BICC1: variants seen among roughly 807,000 people sequenced by gnomAD.
BICC1 encodes protein bicaudal C homolog 1.
Under a neutral mutation model 111.0 loss-of-function variants are expected in BICC1, and 43 were observed. That is an observed-to-expected ratio of 0.39 (90% CI 0.30 to 0.50). BICC1 has a LOEUF of 0.50. Ranked by LOEUF, BICC1 falls within the 20% of genes least tolerant of loss-of-function variation. BICC1 has a pLI of 0.88. For missense variants in BICC1, 1,091 were observed against 1,203.2 expected, an observed-to-expected ratio of 0.91 and a Z score of 1.38; for synonymous variants, 467 against 434.4, an observed-to-expected ratio of 1.07 and a Z score of -0.93.
intron 1 of BICC1, among the ~76,000 whole-genome samples, chr10:58,552,796 T>C (rs1468286836): frequency 1.3e-5 from 2 of 152,152 alleles, no homozygotes; most frequent in South Asian, 2.1e-4. Flanking sequence ...TGGTGAGATA[T>C]CTTCAGATCT....
At chr10:58,549,616 AT>A (rs35864057) in intron 1 of BICC1, among the ~76,000 whole-genome samples, 67,219 of 142,836 alleles carry the variant, frequency 0.47, 16,351 homozygotes, top group Admixed American at 0.63. Flanking sequence ...GTCTGTTCAG[AT>A]TTTTTTTTTT....
intron 20 of BICC1, among the ~76,000 whole-genome samples, chr10:58,826,670 A>G (rs1844407913): frequency 6.9e-6 from 1 of 145,732 alleles, no homozygotes; most frequent in African/African-American, 2.5e-5. Flanking sequence ...GAGGCAGGAG[A>G]ATGACATGAA....
At chr10:58,779,340 A>G (rs1311514558) in intron 3 of BICC1, among the ~76,000 whole-genome samples, 5 of 152,240 alleles carry the variant, frequency 3.3e-5, no homozygotes, top group Admixed American at 3.3e-4. Context: ...TATTCAGGAA[A>G]TGCCACTGGG....
At chr10:58,526,391 C>A (rs931803890) in intron 1 of BICC1, among the ~76,000 whole-genome samples, 1 of 150,930 alleles carries the variant, frequency 6.6e-6, no homozygotes, top group African/African-American at 2.4e-5. Context: ...TTGTTTCTTT[C>A]TTTTTTTCTT....
At chr10:58,784,582 T>TA (rs1163252763) in intron 3 of BICC1, among the ~76,000 whole-genome samples, 2 of 152,182 alleles carry the variant, frequency 1.3e-5, no homozygotes, top group African/African-American at 2.4e-5. Context: ...GTTTCCTCTG[T>TA]AAACAACGTC....
chr10:58,617,537 G>T (rs1845657050), intron 1 of BICC1, among the ~76,000 whole-genome samples: 1 of 152,234 alleles, frequency 6.6e-6, no homozygotes, highest in South Asian at 2.1e-4. Context: ...GGGTCTAGCT[G>T]GGGTGCTGCT....
chr10:58,550,050 C>T (rs1843254471), intron 1 of BICC1, among the ~76,000 whole-genome samples: 1 of 152,002 alleles, frequency 6.6e-6, no homozygotes, highest in South Asian at 2.1e-4. Flanking sequence ...GGGTCTTGCT[C>T]TATCACCTTG....
intron 2 of BICC1, among the ~76,000 whole-genome samples, chr10:58,665,735 T>C (rs942193390): frequency 6.6e-6 from 1 of 152,190 alleles, no homozygotes; most frequent in African/African-American, 2.4e-5. Flanking sequence ...TTCTATTCTT[T>C]AAACATTTTT....
At chr10:58,805,050 T>C (rs1307218156) in intron 15 of BICC1, among the ~76,000 whole-genome samples, 1 of 152,172 alleles carries the variant, frequency 6.6e-6, no homozygotes, top group Non-Finnish European at 1.5e-5. Context: ...CCCAGAACTT[T>C]GGGAAGCCAG....
intron 1 of BICC1, among the ~76,000 whole-genome samples, chr10:58,606,073 A>T (rs551684060): frequency 1.9e-4 from 29 of 151,816 alleles, no homozygotes; most frequent in African/African-American, 7.0e-4. Flanking sequence ...TTCCCTGACA[A>T]CTTTCCTCTT....
Position 58,793,626 on chromosome 10 carries a change from A to T in BICC1, c.1179+11A>T, listed in dbSNP as rs377293166. 3 of 1,613,132 alleles carry T rather than the reference A, an allele frequency of 1.9e-6. No homozygotes were observed. The African/African-American group carries it at 4.0e-5, about 22-fold the overall frequency. On this transcript the variant is annotated intron_variant, in intron 9 of 20. Coordinates refer to ENST00000373886, the MANE Select transcript of BICC1 (RefSeq NM_001080512.3). ...AAACAGCCAAGCAAGGTTGGTTCAG[A>T]GTCTGAATCCAGAGAATTATGTATC...
rs532042055 is a variant in BICC1, at chr10:58,632,575, C to T, written c.237+11674C>T. 5.3e-5 allele frequency among the ~76,000 whole-genome samples: 8 copies of T among 151,708 alleles called. No individual in the cohort carries two copies. In the East Asian group the frequency reaches 7.8e-4, roughly 15 times the overall value. On this transcript the variant is annotated intron_variant, in intron 2 of 20. Transcript: ENST00000373886. Reference sequence around the variant, plus strand: ...TTCTTGGGAGAAAGTGTTTGAGGTGCGTTTTGAGGACTAGGTAAAAGGAAT... The same window carrying T: ...TTCTTGGGAGAAAGTGTTTGAGGTGTGTTTTGAGGACTAGGTAAAAGGAAT...
chr10:58,563,681 T>C (rs1843674160), intron 1 of BICC1, among the ~76,000 whole-genome samples: 1 of 152,216 alleles, frequency 6.6e-6, no homozygotes, highest in African/African-American at 2.4e-5. Flanking sequence ...GATGACATGT[T>C]CTTTGCTTTT....
intron 1 of BICC1, among the ~76,000 whole-genome samples, chr10:58,620,583 G>A (rs925324668): frequency 9.8e-5 from 15 of 152,286 alleles, no homozygotes; most frequent in African/African-American, 3.4e-4. Flanking sequence ...ATGAAAGGAC[G>A]AGATCACTTT....
chr10:58,718,983 T>A (rs1840851520), intron 3 of BICC1, among the ~76,000 whole-genome samples: 1 of 152,188 alleles, frequency 6.6e-6, no homozygotes, highest in Non-Finnish European at 1.5e-5. Context: ...ATTTCTGAAT[T>A]TTTTCTAATC....
chr10:58,683,545 C>CT (rs1238455046), intron 2 of BICC1, among the ~76,000 whole-genome samples: 4 of 152,168 alleles, frequency 2.6e-5, no homozygotes, highest in Non-Finnish European at 5.9e-5. Context: ...TTTGTGTCCT[C>CT]TTTTATTTCG....
At chr10:58,645,752 A>G (rs1349430473) in intron 2 of BICC1, among the ~76,000 whole-genome samples, 3 of 152,244 alleles carry the variant, frequency 2.0e-5, no homozygotes, top group Non-Finnish European at 4.4e-5. Context: ...AAACGAAGGC[A>G]CATTGTCCAA....
chr10:58,524,947 A>G (rs1050781174), intron 1 of BICC1, among the ~76,000 whole-genome samples: 10 of 152,158 alleles, frequency 6.6e-5, no homozygotes, highest in African/African-American at 2.4e-4. Context: ...TGCAGCCAAC[A>G]GACACATGAA....
chr10:58,738,010 T>C (rs1290857443), intron 3 of BICC1, among the ~76,000 whole-genome samples: 1 of 152,222 alleles, frequency 6.6e-6, no homozygotes, highest in African/African-American at 2.4e-5. Context: ...ATGAGTAGAT[T>C]GCGAAAATGT....
Sources: gnomAD v4.1 joint callset for allele counts (sites outside exome capture counted in the v4.1 genomes callset) on GRCh38, gnomAD v4.1.1 for gene constraint, MANE v1.5 for transcripts, NCBI Gene and HGNC (gene_info 2026-07-23, HGNC 2026-07-21) for gene names.